SSH2: variants seen among roughly 807,000 people sequenced by gnomAD.
SSH2 encodes the protein protein phosphatase Slingshot homolog 2.
In SSH2, 37 loss-of-function variants were observed where a neutral mutation model predicts 135.2. That is an observed-to-expected ratio of 0.27 (90% confidence interval 0.21 to 0.36). The LOEUF is 0.36. SSH2 is among the 10% of genes least tolerant of loss of function. The probability of loss-of-function intolerance (pLI) is 1.00; values close to 1 mark genes in which losing one functional copy is unlikely to be tolerated. For synonymous variants in SSH2, 628 were observed against 646.2 expected (o/e 0.97, Z 0.43); for missense variants, 1,408 against 1,765.3 (o/e 0.80, Z 3.63).
intron 1 of SSH2, among the ~76,000 whole-genome samples, chr17:29,902,466 T>C (rs531310974): frequency 6.6e-6 from 1 of 152,180 alleles, no homozygotes; most frequent in East Asian, 1.9e-4. Context: ...ATTATTATCC[T>C]GGAATAAAAT....
At position 29,676,903 on chromosome 17, in the gene SSH2, C is replaced by T. The variant is rs2037745248; in HGVS notation, c.549-18G>A. On this transcript the variant is annotated intron_variant, in intron 7 of 15. Coordinates refer to ENST00000540801, the MANE Select transcript of SSH2 (RefSeq NM_001282129.2). ...TGAACCCACTAAGGACAAATGAGAACAAGACAAAAATCCACAAATTAGGGT... is the reference window on the plus strand; with the variant it reads ...TGAACCCACTAAGGACAAATGAGAATAAGACAAAAATCCACAAATTAGGGT... 2 of 1,610,722 alleles carry T rather than the reference C, an allele frequency of 1.2e-6. No homozygotes were observed. Among genetic ancestry groups the T allele is most frequent in the East Asian group, 2.2e-5 (1 of 44,794 alleles).
chr17:29,745,926 A>G (rs2040744602), intron 3 of SSH2, among the ~76,000 whole-genome samples: 1 of 152,206 alleles, frequency 6.6e-6, no homozygotes, highest in African/African-American at 2.4e-5. Flanking sequence ...ACACTGCACT[A>G]TTACTGTTAG....
chr17:29,827,016 AC>A (rs1490373634), intron 2 of SSH2, among the ~76,000 whole-genome samples: 3 of 152,206 alleles, frequency 2.0e-5, no homozygotes, highest in African/African-American at 7.2e-5. Context: ...AACTCTGATG[AC>A]ATGTATGAGA....
In SSH2 at chr17:29,849,061, G is replaced by T. The variant is rs549599658; in HGVS notation, c.64-132C>A. The T allele has an allele frequency of 1.2e-3, 660 of 561,512 alleles. 1 individual carries two copies. The highest frequency in any genetic ancestry group is 2.8e-3 in the Admixed American group (97 of 34,600). The allele number at this position is 561,512 out of a possible 1,614,324, so 34.8% of individuals were successfully genotyped here. ...AGAAGCTGCAATTCTGATTAGTGAT[G>T]GCTATTTTGAGAGAACACTGCCAAC... On this transcript the variant is annotated intron_variant, in intron 1 of 15. Transcript: ENST00000540801.
intron 1 of SSH2, among the ~76,000 whole-genome samples, chr17:29,907,602 T>C (rs1157977726): frequency 6.6e-6 from 1 of 152,276 alleles, no homozygotes; most frequent in Non-Finnish European, 1.5e-5. Flanking sequence ...GTTATGTTTG[T>C]TAAAAGAATG....
intron 3 of SSH2, among the ~76,000 whole-genome samples, chr17:29,725,690 T>C (rs1252827973): frequency 1.3e-5 from 2 of 151,382 alleles, no homozygotes; most frequent in Non-Finnish European, 2.9e-5. Flanking sequence ...TAAGTGGGAG[T>C]TGAACAATGA....
At chr17:29,738,438 T>C (rs1467427289) in intron 3 of SSH2, among the ~76,000 whole-genome samples, 1 of 152,216 alleles carries the variant, frequency 6.6e-6, no homozygotes, top group Non-Finnish European at 1.5e-5. Flanking sequence ...TTTGGGTATA[T>C]ACCCAGTAAT....
intron 3 of SSH2, among the ~76,000 whole-genome samples, chr17:29,781,473 C>CTGTTTTTTT (rs2041838528): frequency 1.2e-5 from 1 of 81,840 alleles, no homozygotes; most frequent in Non-Finnish European, 2.3e-5. Flanking sequence ...CCTGTGTTTT[C>CTGTTTTTTT]TTTTTTTTTT....
At chr17:29,737,466 T>C (rs1260336517) in intron 3 of SSH2, among the ~76,000 whole-genome samples, 1 of 152,216 alleles carries the variant, frequency 6.6e-6, no homozygotes, top group Non-Finnish European at 1.5e-5. Flanking sequence ...AATGCATTCC[T>C]AGTGCCTAGA....
Position 29,632,505 on chromosome 17 carries a change from T to C in SSH2, c.2689A>G (p.Thr897Ala). Residue 897 changes from threonine to alanine, a missense_variant, in exon 16 of 16, where the codon ACC becomes GCC. This residue lies in a region of SSH2 where 1,080 missense variants were observed against 1,144.5 expected (regional missense o/e 0.94). Coordinates refer to ENST00000540801, the MANE Select transcript of SSH2 (RefSeq NM_001282129.2). Reference sequence around the variant, plus strand: ...CGTAAGCGCTCTTCGAACTCCAAGGTGGCTCGCCTCACAGACCCAGGGTAC... The same window carrying C: ...CGTAAGCGCTCTTCGAACTCCAAGGCGGCTCGCCTCACAGACCCAGGGTAC... ...KWYPGSVRRA[T>A]LEFEERLRQE... 6.2e-7 allele frequency: 1 copy of C among 1,614,220 alleles called. No individual in the cohort carries two copies. The highest frequency in any genetic ancestry group is 8.5e-7 in the Non-Finnish European group (1 of 1,180,030).
chr17:29,784,318 G>A (rs2151293051), intron 3 of SSH2, among the ~76,000 whole-genome samples: 1 of 151,994 alleles, frequency 6.6e-6, no homozygotes, highest in Admixed American at 6.6e-5. Flanking sequence ...CTGGGAGATG[G>A]AGGTTGCAAT....
At chr17:29,897,729 G>T (rs893214640) in intron 1 of SSH2, among the ~76,000 whole-genome samples, 2 of 151,888 alleles carry the variant, frequency 1.3e-5, no homozygotes, top group African/African-American at 4.8e-5. Context: ...TGAGACAGAA[G>T]GTTAACAAGG....
chr17:29,746,692 T>C (rs145235177), intron 3 of SSH2, among the ~76,000 whole-genome samples: 1 of 152,000 alleles, frequency 6.6e-6, no homozygotes, highest in Non-Finnish European at 1.5e-5. Flanking sequence ...AGGAGAGTCC[T>C]GAAGAAATGG....
At chr17:29,639,278 C>T (rs752805570) in intron 14 of SSH2, among the ~76,000 whole-genome samples, 8 of 152,122 alleles carry the variant, frequency 5.3e-5, no homozygotes, top group African/African-American at 9.7e-5. Context: ...AAAAAGAGAA[C>T]GGTGGCCCTT....
At chr17:29,925,228 A>G (rs868826331) in intron 1 of SSH2, 1 of 271,128 alleles carries the variant, frequency 3.7e-6, no homozygotes, top group Non-Finnish European at 6.8e-6. Context: ...TTATTATAGT[A>G]TTATACTTTG....
chr17:29,850,270 T>A (rs1166205527), intron 1 of SSH2, among the ~76,000 whole-genome samples: 1 of 152,134 alleles, frequency 6.6e-6, no homozygotes, highest in Non-Finnish European at 1.5e-5. Context: ...CTCTGACTCA[T>A]TAGATTCTAT....
chr17:29,755,177 T>C (rs931326429), intron 3 of SSH2, among the ~76,000 whole-genome samples: 2 of 152,220 alleles, frequency 1.3e-5, no homozygotes, highest in Non-Finnish European at 2.9e-5. Context: ...CTTTTTGTTT[T>C]ACTAAAATGC....
At chr17:29,776,115 T>G (rs890366891) in intron 3 of SSH2, 1 of 152,172 alleles carries the variant, frequency 6.6e-6, no homozygotes, top group Non-Finnish European at 1.5e-5. Context: ...CTCCTCAGGG[T>G]TGGCTCCTTT....
At chr17:29,687,048 TAGAG>T (rs1363820129) in intron 5 of SSH2, among the ~76,000 whole-genome samples, 1 of 152,212 alleles carries the variant, frequency 6.6e-6, no homozygotes, top group Non-Finnish European at 1.5e-5. Context: ...CCCTATTCCT[TAGAG>T]AAACAGAATT....
Sources: allele counts gnomAD v4.1 joint callset (sites outside exome capture counted in the v4.1 genomes callset), GRCh38; gene constraint gnomAD v4.1.1; regional missense constraint gnomAD v4.1.1; transcripts MANE v1.5; gene names NCBI Gene and HGNC (gene_info 2026-07-23, HGNC 2026-07-21).